Variants in TOX2 observed in about 807,000 individuals in gnomAD.
TOX2 encodes the protein TOX high mobility group box family member 2.
A neutral mutation model predicts 47.4 loss-of-function variants in TOX2; 15 were observed. That is an observed-to-expected ratio of 0.32 (90% CI 0.21 to 0.49). The LOEUF is 0.49. Among genes scored for constraint, TOX2 ranks in the 20% least tolerant of loss-of-function variants. TOX2 has a pLI of 0.99. For synonymous variants in TOX2, 290 were observed against 296.6 expected (o/e 0.98, Z 0.23); for missense variants, 622 against 673.1 (o/e 0.92, Z 0.84).
At chr20:44,062,370 A>G (rs987485157) in intron 5 of TOX2, among the ~76,000 whole-genome samples, 4 of 131,208 alleles carry the variant, frequency 3.0e-5, no homozygotes, top group Non-Finnish European at 6.4e-5. Flanking sequence ...TAACTGCAAA[A>G]TAAATAAATA....
chr20:44,022,898 T>G (rs2070997811), intron 3 of TOX2, among the ~76,000 whole-genome samples: 1 of 152,084 alleles, frequency 6.6e-6, no homozygotes, highest in Non-Finnish European at 1.5e-5. Context: ...GGTACAATTT[T>G]TCTCCCAGAG....
Position 43,916,235 on chromosome 20 carries a change from G to A in TOX2, c.99+1245G>A. Reference sequence around the variant, plus strand: ...TGAGTGCGCGTCCAGTGGCTGGATCGGCGCCCCCCAGGGTCTCTCCCCAAC... The same window carrying A: ...TGAGTGCGCGTCCAGTGGCTGGATCAGCGCCCCCCAGGGTCTCTCCCCAAC... On this transcript the variant is annotated intron_variant, in intron 1 of 8. Coordinates refer to ENST00000341197, the MANE Select transcript of TOX2 (RefSeq NM_001098797.2). This position sits in a 1 kb window ranked among gnomAD's most constrained non-coding sequence, Gnocchi z 5.0. The A allele has an allele frequency of 1.0e-6, 1 of 985,422 alleles. No individual in the cohort carries two copies. Among genetic ancestry groups the A allele is most frequent in the African/African-American group, 1.7e-5 (1 of 57,370 alleles). The allele number at this position is 985,422 out of a possible 1,614,324, so 61.0% of individuals were successfully genotyped here.
chr20:43,946,375 C>T (rs1462666269), intron 1 of TOX2, among the ~76,000 whole-genome samples: 1 of 152,126 alleles, frequency 6.6e-6, no homozygotes, highest in Non-Finnish European at 1.5e-5. Context: ...CTGGCTGATT[C>T]AGACTGGAAA....
chr20:44,040,636 A>C (rs575908827), intron 3 of TOX2, among the ~76,000 whole-genome samples: 2 of 152,328 alleles, frequency 1.3e-5, no homozygotes, highest in African/African-American at 4.8e-5. Context: ...ATAAGTGGAC[A>C]TGGTCAGCAC....
At chr20:43,947,527 C>T (rs989268474) in intron 1 of TOX2, among the ~76,000 whole-genome samples, 43 of 152,212 alleles carry the variant, frequency 2.8e-4, no homozygotes, top group African/African-American at 1.0e-3. Flanking sequence ...ATCCAGGGAG[C>T]TCTCTTCTTG....
intron 3 of TOX2, chr20:44,039,153 C>A: frequency 7.9e-7 from 1 of 1,259,626 alleles, no homozygotes; most frequent in Non-Finnish European, 1.0e-6. Context: ...GAGAGCTCTG[C>A]CAGAGGCTTG....
intron 2 of TOX2, among the ~76,000 whole-genome samples, chr20:43,973,968 C>T (rs570237383): frequency 6.6e-6 from 1 of 152,252 alleles, no homozygotes; most frequent in South Asian, 2.1e-4. Flanking sequence ...TGTCTCGAAC[C>T]CCAGCCTGGC....
At chr20:43,961,500 A>C (rs986205482) in intron 1 of TOX2, among the ~76,000 whole-genome samples, 5 of 152,160 alleles carry the variant, frequency 3.3e-5, no homozygotes, top group Admixed American at 6.5e-5. Context: ...CATGGTCCCC[A>C]CTGACCCTGC....
At chr20:43,950,166 A>G (rs1365541484) in intron 1 of TOX2, among the ~76,000 whole-genome samples, 2 of 152,172 alleles carry the variant, frequency 1.3e-5, no homozygotes, top group Admixed American at 6.5e-5. Flanking sequence ...TGAGCAGAGC[A>G]AACTCAACAA....
chr20:43,924,894 C>G (rs1290533397), intron 1 of TOX2, among the ~76,000 whole-genome samples: 1 of 152,244 alleles, frequency 6.6e-6, no homozygotes, highest in African/African-American at 2.4e-5. Context: ...AGCCCTGTGT[C>G]CCGGGGTGTC....
intron 2 of TOX2, 88 bp from the exon 3 acceptor site, chr20:44,006,456 CGTT>C: frequency 2.6e-6 from 4 of 1,519,582 alleles, no homozygotes; most frequent in Admixed American, 3.9e-5. Context: ...GGGTTGCTAT[CGTT>C]ATTATTGTTG....
At chr20:43,934,969 G>A (rs888778384) in intron 1 of TOX2, among the ~76,000 whole-genome samples, 4 of 152,114 alleles carry the variant, frequency 2.6e-5, no homozygotes, top group East Asian at 1.9e-4. Context: ...CTAAGCTGCC[G>A]ACAGCATCCC....
intron 3 of TOX2, among the ~76,000 whole-genome samples, chr20:44,011,682 G>T (rs1312636247): frequency 1.3e-5 from 2 of 152,254 alleles, no homozygotes; most frequent in African/African-American, 4.8e-5. Context: ...TGCGCTGATG[G>T]CCAGGGTGCT....
chr20:44,058,229 C>T (rs1408152808), intron 5 of TOX2, among the ~76,000 whole-genome samples: 1 of 152,190 alleles, frequency 6.6e-6, no homozygotes, highest in African/African-American at 2.4e-5. Context: ...AAGTTCTCAG[C>T]CCTGTTCACT....
intron 1 of TOX2, chr20:43,955,065 A>G (rs2069644532): frequency 9.6e-6 from 2 of 208,458 alleles, no homozygotes; most frequent in Non-Finnish European, 1.7e-5. Flanking sequence ...AGCTGACGCG[A>G]GGCTCTTTGT....
chr20:43,922,556 C>T (rs1411499900), intron 1 of TOX2, among the ~76,000 whole-genome samples: 3 of 152,128 alleles, frequency 2.0e-5, no homozygotes, highest in Non-Finnish European at 4.4e-5. Context: ...GGATTCAAAC[C>T]TACAGGATGA....
chr20:43,926,892 A>G (rs2069175113), intron 1 of TOX2, among the ~76,000 whole-genome samples: 1 of 152,200 alleles, frequency 6.6e-6, no homozygotes, highest in Non-Finnish European at 1.5e-5. Flanking sequence ...CAGTCTCCGC[A>G]GTGGTCCACG....
chr20:43,938,379 G>A (rs566057785), intron 1 of TOX2, among the ~76,000 whole-genome samples: 1 of 152,212 alleles, frequency 6.6e-6, no homozygotes, highest in East Asian at 1.9e-4. Context: ...CTGACCTTGG[G>A]TTTCCATTCA....
chr20:44,064,443 A>G (rs8120539), intron 5 of TOX2, among the ~76,000 whole-genome samples: 19,733 of 152,270 alleles, frequency 0.13, 1,306 homozygotes, highest in East Asian at 0.16. Context: ...TTCGGCATTA[A>G]GAAATCTGCA....
Sources: allele counts gnomAD v4.1 joint callset (sites outside exome capture counted in the v4.1 genomes callset), GRCh38; gene constraint gnomAD v4.1.1; non-coding constraint Gnocchi (gnomAD v3.1); transcripts MANE v1.5; gene names NCBI Gene and HGNC (gene_info 2026-07-23, HGNC 2026-07-21).